Variants in NPHP4 observed in about 807,000 individuals in gnomAD.
NPHP4 encodes the protein nephrocystin 4, also known as nephrocystin-4.
In NPHP4, 151 loss-of-function variants were observed where a neutral mutation model predicts 155.8. The ratio of observed to expected loss-of-function variants is 0.97; its 90% confidence interval spans 0.85 to 1.11. The LOEUF is 1.11. NPHP4 is among the 50% of genes least tolerant of loss of function. The pLI is 0.00. For missense variants in NPHP4, 1,956 were observed against 1,925.7 expected, an observed-to-expected ratio of 1.02 and a Z score of -0.29; for synonymous variants, 845 against 816.8, an observed-to-expected ratio of 1.03 and a Z score of -0.59.
chr1:5,979,916 GGCAGGCCTA>G (rs925454929), intron 2 of NPHP4, among the ~76,000 whole-genome samples: 1 of 152,096 alleles, frequency 6.6e-6, no homozygotes, highest in African/African-American at 2.4e-5. Context: ...GGTGGCAAAT[GGCAGGCCTA>G]TCAGAATGTG....
chr1:5,989,900 G>C (rs1655987458), intron 1 of NPHP4, among the ~76,000 whole-genome samples: 1 of 152,216 alleles, frequency 6.6e-6, no homozygotes, highest in African/African-American at 2.4e-5. Flanking sequence ...TAGGAGGGCA[G>C]ACACTAGGCG....
intron 6 of NPHP4, among the ~76,000 whole-genome samples, chr1:5,959,813 G>C (rs1341629168): frequency 2.6e-5 from 4 of 152,158 alleles, no homozygotes; most frequent in Non-Finnish European, 5.9e-5. Context: ...GTATCTAACA[G>C]GCAACATCTC....
intron 2 of NPHP4, among the ~76,000 whole-genome samples, chr1:5,981,619 T>G (rs1286646104): frequency 6.6e-5 from 10 of 152,158 alleles, no homozygotes; most frequent in Non-Finnish European, 5.9e-5. Flanking sequence ...AGCTATCAAT[T>G]CTCAAAACAA....
intron 16 of NPHP4, among the ~76,000 whole-genome samples, chr1:5,893,176 C>T (rs1367997712): frequency 1.3e-5 from 2 of 152,166 alleles, no homozygotes; most frequent in Non-Finnish European, 2.9e-5. Context: ...GGGGACCAGC[C>T]TCACAGGGTC....
rs1298808465 is a variant in NPHP4, at chr1:5,866,471, T to A, written c.3559-13A>T. 8 of 1,530,652 alleles carry A rather than the reference T, an allele frequency of 5.2e-6. No homozygotes were observed. In the East Asian group the frequency reaches 1.6e-4, roughly 31 times the overall value. The allele number at this position is 1,530,652 out of a possible 1,614,324, so 94.8% of individuals were successfully genotyped here. On this transcript the variant is annotated splice_polypyrimidine_tract_variant and intron_variant, in intron 25 of 29. Transcript: ENST00000378156. Reference sequence around the variant, plus strand: ...GTTCCCCGGGGCCCTGCCAACCAGATGTGCAGCACATCAGGGCACACAGTG... The same window carrying A: ...GTTCCCCGGGGCCCTGCCAACCAGAAGTGCAGCACATCAGGGCACACAGTG...
At chr1:5,970,274 G>A (rs1013710608) in intron 3 of NPHP4, among the ~76,000 whole-genome samples, 1 of 152,130 alleles carries the variant, frequency 6.6e-6, no homozygotes, top group African/African-American at 2.4e-5. Flanking sequence ...GGAGGTCAAG[G>A]CAGGAGGATC....
At chr1:5,957,635 A>G (rs914575532) in intron 6 of NPHP4, among the ~76,000 whole-genome samples, 35 of 97,996 alleles carry the variant, frequency 3.6e-4, no homozygotes, top group Non-Finnish European at 6.2e-4. Context: ...GGGATATTTA[A>G]TTCAGCAGAA....
intron 11 of NPHP4, among the ~76,000 whole-genome samples, chr1:5,912,431 A>G (rs11122157): frequency 0.21 from 31,983 of 151,370 alleles, 3,993 homozygotes; most frequent in African/African-American, 0.35. Flanking sequence ...CCAGCTACTC[A>G]GGAGGCTGAG....
At chr1:5,946,313 C>A (rs1258177892) in intron 9 of NPHP4, among the ~76,000 whole-genome samples, 2 of 152,162 alleles carry the variant, frequency 1.3e-5, no homozygotes, top group Non-Finnish European at 2.9e-5. Context: ...TTATTTCTTT[C>A]AACTGAACCT....
rs999262180 is a variant in NPHP4 at position 5,889,120 on chromosome 1, A to G, written c.2305-1654T>C. Among the ~76,000 whole-genome samples, 1 of 152,214 alleles carries G rather than the reference A, an allele frequency of 6.6e-6. No individual in the cohort carries two copies. Among genetic ancestry groups the G allele is most frequent in the Admixed American group, 6.5e-5 (1 of 15,286 alleles). ...CTTCTCATCGTCGTAGCAACGTGTT[A>G]CGGCCAGCACCCCCAGGAAATCAAC... is the stretch of plus-strand genomic sequence containing the variant. On this transcript the variant is annotated intron_variant, in intron 17 of 29. Coordinates refer to ENST00000378156, the MANE Select transcript of NPHP4 (RefSeq NM_015102.5). The surrounding 1 kb of genome is among the most constrained non-coding windows in gnomAD (Gnocchi z 4.2).
At chr1:5,980,617 G>A (rs1424618539) in intron 2 of NPHP4, among the ~76,000 whole-genome samples, 7 of 152,160 alleles carry the variant, frequency 4.6e-5, no homozygotes, top group Non-Finnish European at 8.8e-5. Context: ...GGCAGGGAGG[G>A]TGACAGGAAG....
chr1:5,927,667 G>A lies in NPHP4; in HGVS notation c.1423C>T (p.Pro475Ser), dbSNP rs1557755229. 3.1e-6 allele frequency: 5 copies of A among 1,611,434 alleles called. No individual in the cohort carries two copies. The highest frequency in any genetic ancestry group is 1.7e-4 in the Middle Eastern group (1 of 6,044). The change falls in exon 11 of 30, where the codon CCA becomes TCA. Residue 475 changes from proline (P) to serine (S), a missense_variant. By Grantham distance (74) the Pro-to-Ser change is moderately conservative. Coordinates refer to ENST00000378156, the MANE Select transcript of NPHP4 (RefSeq NM_015102.5). ...PKVERRPSRK[P>S]PTSPSSPPAP... ...CACTTACTCGAAGGGGACGTGGGTG[G>A]TTTCCTGGAAGGCCGCCGCTCCACT...
chr1:5,917,653 G>C (rs751050792), intron 11 of NPHP4, among the ~76,000 whole-genome samples: 1 of 152,160 alleles, frequency 6.6e-6, no homozygotes, highest in Non-Finnish European at 1.5e-5. Flanking sequence ...CTGTGGGCCA[G>C]GACTCATCAG....
intron 5 of NPHP4, among the ~76,000 whole-genome samples, chr1:5,964,663 C>T (rs1651011286): frequency 6.6e-6 from 1 of 151,820 alleles, no homozygotes; most frequent in Admixed American, 6.6e-5. Context: ...CTCCCTTCTC[C>T]ACTCCCTGGC....
intron 27 of NPHP4, 190 bp downstream of exon 27, chr1:5,864,912 T>C (rs1557582741): frequency 1.6e-6 from 1 of 608,872 alleles, no homozygotes; most frequent in African/African-American, 1.8e-5. Context: ...GGTGTGTACG[T>C]CACTCACCCC....
chr1:5,964,429 TA>T (rs1417742925), intron 5 of NPHP4, among the ~76,000 whole-genome samples: 2 of 152,180 alleles, frequency 1.3e-5, no homozygotes, highest in Non-Finnish European at 2.9e-5. Context: ...TGCTGCAAAC[TA>T]GAACAGGTGA....
At chr1:5,954,322 G>A (rs892049553) in intron 6 of NPHP4, among the ~76,000 whole-genome samples, 6 of 152,076 alleles carry the variant, frequency 3.9e-5, no homozygotes, top group African/African-American at 1.2e-4. Flanking sequence ...AGAAATAATC[G>A]TAATATTGTA....
At chr1:5,949,530 C>T (rs1007131161) in intron 7 of NPHP4, among the ~76,000 whole-genome samples, 10 of 152,002 alleles carry the variant, frequency 6.6e-5, no homozygotes, top group Middle Eastern at 3.4e-3. Flanking sequence ...CACAGGAGAC[C>T]GACAATAACA....
At chr1:5,968,117 A>G (rs1434549755) in intron 4 of NPHP4, among the ~76,000 whole-genome samples, 2 of 151,956 alleles carry the variant, frequency 1.3e-5, no homozygotes, top group African/African-American at 4.8e-5. Context: ...CGAGATATGC[A>G]TTATCATTAC....
Sources: gnomAD v4.1 joint callset for allele counts (sites outside exome capture counted in the v4.1 genomes callset) on GRCh38, gnomAD v4.1.1 for gene constraint, Gnocchi (gnomAD v3.1) non-coding constraint, MANE v1.5 for transcripts, NCBI Gene and HGNC (gene_info 2026-07-23, HGNC 2026-07-21) for gene names.